DGKA: variants seen among roughly 807,000 people sequenced by gnomAD.
DGKA encodes the protein diacylglycerol kinase alpha, also known as 80 kDa diacylglycerol kinase.
A neutral mutation model predicts 105.0 loss-of-function variants in DGKA; 35 were observed. The observed-to-expected ratio is 0.33, with a 90% CI of 0.25 to 0.44. The LOEUF (loss-of-function observed/expected upper bound fraction) is 0.44, where lower values mean the gene tolerates loss of function less well. DGKA is among the 20% of genes least tolerant of loss of function. The probability of loss-of-function intolerance (pLI) is 1.00; values close to 1 mark genes in which losing one functional copy is unlikely to be tolerated. For missense variants in DGKA, 665 were observed against 915.0 expected, an observed-to-expected ratio of 0.73 and a Z score of 3.53; for synonymous variants, 296 against 332.0, an observed-to-expected ratio of 0.89 and a Z score of 1.18.
upstream of DGKA, chr12:55,929,289 A>G (rs1239337087): frequency 1.3e-5 from 2 of 152,218 alleles, no homozygotes; most frequent in African/African-American, 2.4e-5. Flanking sequence ...CCTTGTTATG[A>G]TTAGACGTGA....
In DGKA at chr12:55,940,783, C is replaced by A; in HGVS notation, c.1017+61C>A. 1.3e-6 allele frequency: 2 copies of A among 1,595,450 alleles called. No individual in the cohort carries two copies. The highest frequency in any genetic ancestry group is 1.7e-6 in the Non-Finnish European group (2 of 1,163,122). Reference sequence around the variant, plus strand: ...GTGCCTCCCCGATTTCCCACACGCACAGAGTGGCATTTAGAATAGAGAGCT... The same window carrying A: ...GTGCCTCCCCGATTTCCCACACGCAAAGAGTGGCATTTAGAATAGAGAGCT... On this transcript the variant is annotated intron_variant, in intron 12 of 23. Transcript: ENST00000331886. This position sits in a 1 kb window ranked among gnomAD's most constrained non-coding sequence, Gnocchi z 4.3.
At chr12:55,943,701 A>T (rs1287702701) in intron 17 of DGKA, among the ~76,000 whole-genome samples, 1 of 151,580 alleles carries the variant, frequency 6.6e-6, no homozygotes, top group Non-Finnish European at 1.5e-5. Context: ...GGGGAACTCG[A>T]TGTAAGTAAA....
In DGKA at chr12:55,937,537, A is replaced by T. The variant is rs1310739287; in HGVS notation, c.268A>T (p.Thr90Ser). The change falls in exon 4 of 24, where the codon ACA becomes TCA. Residue 90 changes from threonine (T) to serine (S), a missense_variant. Coordinates refer to ENST00000331886, the MANE Select transcript of DGKA (RefSeq NM_001345.5). ...TCACTGCTTAAATGAGACAAATGTG[A>T]CAAAAGGTATGGTCAAGCAGGTAGG... ...TGHCLNETNV[T>S]KDVVCLNDVS... 1.2e-6 allele frequency: 2 copies of T among 1,614,102 alleles called. No homozygotes were observed. The highest frequency in any genetic ancestry group is 8.5e-7 in the Non-Finnish European group (1 of 1,179,982).
At chr12:55,933,786 T>A (rs940858111) in intron 1 of DGKA, among the ~76,000 whole-genome samples, 2 of 152,266 alleles carry the variant, frequency 1.3e-5, no homozygotes, top group Admixed American at 1.3e-4. Context: ...ATGCTAGCAG[T>A]CCCTGAAATT....
chr12:55,941,641 A>G, intron 15 of DGKA, 57 bp downstream of exon 15: 1 of 1,549,230 alleles, frequency 6.5e-7, no homozygotes, highest in East Asian at 2.2e-5. Flanking sequence ...GTATCTGTAT[A>G]TGTTAGGAGA....
chr12:55,940,300 C>A lies in DGKA; in HGVS notation c.799-14C>A. 4.3e-6 allele frequency: 7 copies of A among 1,614,280 alleles called. No individual in the cohort carries two copies. The highest frequency in any genetic ancestry group is 5.9e-6 in the Non-Finnish European group (7 of 1,180,052). On this transcript the variant is annotated splice_polypyrimidine_tract_variant and intron_variant, in intron 10 of 23. Transcript: ENST00000331886. The surrounding 1 kb of genome is among the most constrained non-coding windows in gnomAD (Gnocchi z 4.3). ...TCAGACCCTGCCAGACAAGGAACTG[C>A]CTTTCTCCCCAAGGTCCAATCACAT...
At position 55,941,770 on chromosome 12, in the gene DGKA, C is replaced by G. The variant is rs192754666; in HGVS notation, c.1250+186C>G. On this transcript the variant is annotated intron_variant, in intron 15 of 23. Coordinates refer to ENST00000331886, the MANE Select transcript of DGKA (RefSeq NM_001345.5). ...CCATCCTCCGAGCTCTCTGGCCCAT[C>G]TTTGTCCTGCTCTCAAAGAATGAAG... 2.6e-5 allele frequency among the ~76,000 whole-genome samples: 4 copies of G among 152,324 alleles called. No homozygotes were observed. In the East Asian group the frequency reaches 7.7e-4, roughly 29 times the overall value.
At chr12:55,928,525 A>G (rs1030201361), upstream of DGKA, among the ~76,000 whole-genome samples, 5 of 151,932 alleles carry the variant, frequency 3.3e-5, no homozygotes, top group Admixed American at 3.3e-4. Context: ...AAAATACAAA[A>G]AAATTAGCCG....
intron 17 of DGKA, chr12:55,943,352 T>A (rs552579819): frequency 6.6e-5 from 10 of 152,182 alleles, no homozygotes; most frequent in African/African-American, 2.4e-4. Context: ...CTCAGCTCAC[T>A]GCAACCTCTG....
At position 55,940,152 on chromosome 12, in the gene DGKA, G is replaced by A. The variant is rs1885593494; in HGVS notation, c.780G>A (p.Lys260=). The A allele has an allele frequency of 6.2e-7, 1 of 1,614,126 alleles. No individual in the cohort carries two copies. The highest frequency in any genetic ancestry group is 1.1e-5 in the South Asian group (1 of 91,086). The part of the protein sequence containing the change: ...ALPCEVSTYA[K]SRKDIGVQSH... ...CTTGTGAAGTCAGCACCTATGCCAA[G>A]TCTCGGAAGGACATTGGTGTGAGTG... is the stretch of plus-strand genomic sequence containing the variant. Residue 260 remains lysine (K), a synonymous_variant, in exon 10 of 24, where the codon AAG becomes AAA. Transcript: ENST00000331886. The surrounding 1 kb of genome is among the most constrained non-coding windows in gnomAD (Gnocchi z 4.3).
rs753986810 is a variant in DGKA at position 55,940,473 on chromosome 12, C to T, written c.918+40C>T. ...CATCCCTTCTGGGTGCGTCTTACCC[C>T]GCAGAGCTGCCTTCTCCACGGGCCT... On this transcript the variant is annotated intron_variant, in intron 11 of 23. Coordinates refer to ENST00000331886, the MANE Select transcript of DGKA (RefSeq NM_001345.5). This position sits in a 1 kb window ranked among gnomAD's most constrained non-coding sequence, Gnocchi z 4.3. 5.0e-6 allele frequency: 8 copies of T among 1,608,410 alleles called. No individual in the cohort carries two copies. In the South Asian group the frequency reaches 6.6e-5, roughly 13 times the overall value.
chr12:55,934,071 G>A (rs972952316), intron 1 of DGKA, among the ~76,000 whole-genome samples: 4 of 152,174 alleles, frequency 2.6e-5, no homozygotes, highest in Non-Finnish European at 5.9e-5. Flanking sequence ...TGTCCAATTT[G>A]CAAGTCCATT....
At position 55,937,407 on chromosome 12, in the gene DGKA, G is replaced by A. The variant is rs1884982686; in HGVS notation, c.139-1G>A. On this transcript the variant is annotated splice_acceptor_variant, in intron 3 of 23. Transcript: ENST00000331886. LOFTEE classifies it high-confidence loss of function. ...CAGGATAATGCTCACTCTCATTATA[G>A]GCCATTGGGTACGAGGGATTCCAGC... 6.8e-6 allele frequency: 11 copies of A among 1,613,704 alleles called. No homozygotes were observed. Among genetic ancestry groups the A allele is most frequent in the Non-Finnish European group, 9.3e-6 (11 of 1,179,770 alleles).
intron 5 of DGKA, 77 bp from the exon 6 acceptor site, chr12:55,938,434 G>T (rs1311980397): frequency 1.3e-6 from 2 of 1,575,820 alleles, no homozygotes; most frequent in Non-Finnish European, 1.7e-6. Flanking sequence ...CTGTCTCTTT[G>T]TTTCCCCCAT....
intron 5 of DGKA, 170 bp from the exon 6 acceptor site, chr12:55,938,341 A>C (rs1314123291): frequency 1.2e-6 from 1 of 835,880 alleles, no homozygotes; most frequent in Non-Finnish European, 1.9e-6. Context: ...CTGAGGGTAG[A>C]GTCCATGCCT....
At chr12:55,941,665 T>A in intron 15 of DGKA, 81 bp downstream of exon 15, 1 of 1,436,824 alleles carries the variant, frequency 7.0e-7, no homozygotes, top group African/African-American at 1.4e-5. Context: ...CAGGAAAGAG[T>A]GCAGATTGGG....
intron 17 of DGKA, among the ~76,000 whole-genome samples, chr12:55,942,920 G>A (rs982219370): frequency 7.2e-5 from 11 of 152,152 alleles, no homozygotes; most frequent in African/African-American, 2.7e-4. Context: ...TCTAGGTGGA[G>A]GAAGTAGTGT....
intron 1 of DGKA, chr12:55,935,847 G>C (rs1366153560): frequency 3.1e-6 from 3 of 982,398 alleles, no homozygotes; most frequent in Non-Finnish European, 3.6e-6. Context: ...AGAAGCGCTA[G>C]AGGTCGTTGC....
chr12:55,938,445 A>G, intron 5 of DGKA, 66 bp from the exon 6 acceptor site: 3 of 1,591,862 alleles, frequency 1.9e-6, no homozygotes. Context: ...TTTCCCCCAT[A>G]TTCTGGTATG....
Sources: gnomAD v4.1 joint callset for allele counts (sites outside exome capture counted in the v4.1 genomes callset) on GRCh38, gnomAD v4.1.1 for gene constraint, Gnocchi (gnomAD v3.1) non-coding constraint, MANE v1.5 for transcripts, NCBI Gene and HGNC (gene_info 2026-07-23, HGNC 2026-07-21) for gene names.